Variants in GRB10 observed in about 807,000 individuals in gnomAD.
GRB10 encodes growth factor receptor bound protein 10.
In GRB10, 20 loss-of-function variants were observed where a neutral mutation model predicts 80.9. The ratio of observed to expected loss-of-function variants is 0.25; its 90% CI spans 0.17 to 0.36. The LOEUF (loss-of-function observed/expected upper bound fraction) is 0.36, where lower values mean the gene tolerates loss of function less well. GRB10 is among the 10% of genes least tolerant of loss of function. The probability of loss-of-function intolerance (pLI) is 1.00; values close to 1 mark genes in which losing one functional copy is unlikely to be tolerated. For missense variants in GRB10, 548 were observed against 747.7 expected, an observed-to-expected ratio of 0.73 and a Z score of 3.12; for synonymous variants, 291 against 291.5, an observed-to-expected ratio of 1.00 and a Z score of 0.02.
At chr7:50,593,687 C>T (rs1227647610) in intron 18 of GRB10, among the ~76,000 whole-genome samples, 3 of 152,204 alleles carry the variant, frequency 2.0e-5, no homozygotes, top group Non-Finnish European at 2.9e-5. Context: ...TTCCTAACAC[C>T]TATTTTAACT....
chr7:50,746,408 T>C (rs1316903143), intron 3 of GRB10, among the ~76,000 whole-genome samples: 5 of 152,238 alleles, frequency 3.3e-5, no homozygotes, highest in African/African-American at 1.2e-4. Context: ...TGTCTTATGA[T>C]GGGTTTATCA....
At chr7:50,692,468 C>T (rs1234897677) in intron 5 of GRB10, among the ~76,000 whole-genome samples, 1 of 152,120 alleles carries the variant, frequency 6.6e-6, no homozygotes, top group African/African-American at 2.4e-5. Context: ...ATCCAAACTG[C>T]TGCCGATATC....
At chr7:50,764,070 T>A (rs1017958285) in intron 2 of GRB10, among the ~76,000 whole-genome samples, 1 of 152,184 alleles carries the variant, frequency 6.6e-6, no homozygotes, top group African/African-American at 2.4e-5. Flanking sequence ...GACTCTATCC[T>A]CCCTCATGGC....
chr7:50,741,565 A>AC (rs1382549544), intron 3 of GRB10, among the ~76,000 whole-genome samples: 3,142 of 140,942 alleles, frequency 0.022, 99 homozygotes, highest in African/African-American at 0.07. Flanking sequence ...AAAAAAAAAA[A>AC]AAAAAAAAAA....
At chr7:50,703,987 G>T in intron 4 of GRB10, 79 bp from the exon 5 acceptor site, 1 of 933,022 alleles carries the variant, frequency 1.1e-6, no homozygotes, top group Non-Finnish European at 1.7e-6. Flanking sequence ...AGCTTCCCCA[G>T]CATTTCCTTT....
intron 7 of GRB10, among the ~76,000 whole-genome samples, chr7:50,644,879 G>C (rs1204625337): frequency 6.6e-6 from 1 of 152,196 alleles, no homozygotes; most frequent in Non-Finnish European, 1.5e-5. Flanking sequence ...GTATGGGATG[G>C]GCGGACCAGT....
intron 3 of GRB10, among the ~76,000 whole-genome samples, chr7:50,754,767 G>C (rs970539404): frequency 6.6e-6 from 1 of 152,142 alleles, no homozygotes; most frequent in Non-Finnish European, 1.5e-5. Flanking sequence ...TCAGGCCTTT[G>C]ACCTGGGCTG....
chr7:50,601,088 C>G (rs998006621), intron 17 of GRB10, among the ~76,000 whole-genome samples: 1 of 152,226 alleles, frequency 6.6e-6, no homozygotes, highest in Non-Finnish European at 1.5e-5. Flanking sequence ...TGCTGTGGAG[C>G]GATCCTTGGG....
chr7:50,787,287 A>AGGAGGAGGT (rs1233251928), upstream of GRB10, among the ~76,000 whole-genome samples: 1 of 151,844 alleles, frequency 6.6e-6, no homozygotes, highest in Non-Finnish European at 1.5e-5. Context: ...GAGGAGGAGG[A>AGGAGGAGGT]GGAGGAGGTT....
chr7:50,724,089 T>G (rs1037699683), intron 4 of GRB10, among the ~76,000 whole-genome samples: 3 of 152,182 alleles, frequency 2.0e-5, no homozygotes, highest in Non-Finnish European at 4.4e-5. Flanking sequence ...ACTCGCACGT[T>G]CCAGCAGCGC....
At chr7:50,759,875 A>AGG (rs1433973203) in intron 2 of GRB10, among the ~76,000 whole-genome samples, 2 of 152,124 alleles carry the variant, frequency 1.3e-5, no homozygotes, top group African/African-American at 4.8e-5. Context: ...GTGAATGGCC[A>AGG]GGGGGCAGAG....
At chr7:50,761,146 T>G (rs1200478336) in intron 2 of GRB10, among the ~76,000 whole-genome samples, 1 of 152,228 alleles carries the variant, frequency 6.6e-6, no homozygotes, top group Non-Finnish European at 1.5e-5. Flanking sequence ...GGTAATTATA[T>G]GCCAAGGCCA....
Position 50,619,294 on chromosome 7 carries a change from G to C in GRB10, c.662-9C>G. 2 of 1,538,240 alleles carry C rather than the reference G, an allele frequency of 1.3e-6. No homozygotes were observed. Among genetic ancestry groups the C allele is most frequent in the African/African-American group, 1.4e-5 (1 of 73,674 alleles). On this transcript the variant is annotated splice_polypyrimidine_tract_variant and intron_variant, in intron 8 of 18. Coordinates refer to ENST00000401949, the MANE Select transcript of GRB10 (RefSeq NM_001350814.2). Reference sequence around the variant, plus strand: ...GTCTTCCAAGCACCTCTCTGCAGGGGCAAAGCATCACGTGTGAGACGCAAC... The same window carrying C: ...GTCTTCCAAGCACCTCTCTGCAGGGCCAAAGCATCACGTGTGAGACGCAAC...
intron 5 of GRB10, among the ~76,000 whole-genome samples, chr7:50,686,380 T>C (rs374736306): frequency 6.6e-6 from 1 of 152,230 alleles, no homozygotes; most frequent in African/African-American, 2.4e-5. Flanking sequence ...AATAAATTTA[T>C]GTTGTTTGTA....
At chr7:50,646,052 T>A (rs900615379) in intron 7 of GRB10, among the ~76,000 whole-genome samples, 2 of 152,092 alleles carry the variant, frequency 1.3e-5, no homozygotes, top group Non-Finnish European at 2.9e-5. Context: ...AACCAACCTA[T>A]CCATCTGTCT....
intron 5 of GRB10, among the ~76,000 whole-genome samples, chr7:50,694,521 G>A (rs2063210325): frequency 6.6e-6 from 1 of 152,204 alleles, no homozygotes; most frequent in Non-Finnish European, 1.5e-5. Context: ...GACCTTGAAT[G>A]ACTCTGGCCA....
chr7:50,720,320 G>A (rs1007718374), intron 4 of GRB10, among the ~76,000 whole-genome samples: 2 of 152,160 alleles, frequency 1.3e-5, no homozygotes, highest in African/African-American at 2.4e-5. Flanking sequence ...AGCCAGTTTC[G>A]CAGAGTCTGC....
chr7:50,683,479 G>A (rs1399684009), intron 5 of GRB10, among the ~76,000 whole-genome samples: 1 of 152,226 alleles, frequency 6.6e-6, no homozygotes, highest in African/African-American at 2.4e-5. Context: ...GCTCACGCCT[G>A]TAATCCCAGC....
chr7:50,749,610 C>T (rs1008702401), intron 3 of GRB10, among the ~76,000 whole-genome samples: 1 of 152,162 alleles, frequency 6.6e-6, no homozygotes, highest in Non-Finnish European at 1.5e-5. Context: ...TGGAATTTGT[C>T]ATTTTCAAAG....
Sources: allele counts gnomAD v4.1 joint callset (sites outside exome capture counted in the v4.1 genomes callset), GRCh38; gene constraint gnomAD v4.1.1; transcripts MANE v1.5; gene names NCBI Gene and HGNC (gene_info 2026-07-23, HGNC 2026-07-21).